The following RPS6KA2 variants were observed in gnomAD, a reference collection of about 807,000 sequenced individuals.
RPS6KA2 encodes the protein ribosomal protein S6 kinase A2.
RPS6KA2 carries 42 observed loss-of-function variants against 91.8 expected under a neutral mutation model. That is an observed-to-expected ratio of 0.46 (90% CI 0.36 to 0.59). RPS6KA2 has a LOEUF of 0.59. Among genes scored for constraint, RPS6KA2 ranks in the 20% least tolerant of loss-of-function variants. RPS6KA2 has a pLI of 0.00. For missense variants in RPS6KA2, 798 were observed against 978.5 expected, an observed-to-expected ratio of 0.82 and a Z score of 2.46; for synonymous variants, 414 against 393.6, an observed-to-expected ratio of 1.05 and a Z score of -0.61.
intron 1 of RPS6KA2, among the ~76,000 whole-genome samples, chr6:166,596,229 T>C (rs1261758424): frequency 3.3e-5 from 5 of 152,212 alleles, no homozygotes; most frequent in Non-Finnish European, 7.3e-5. Context: ...TTTGAGTTTA[T>C]GGTCAATAAT....
chr6:166,758,257 G>A (rs1380160383), intron 2 of RPS6KA2, among the ~76,000 whole-genome samples: 1 of 152,228 alleles, frequency 6.6e-6, no homozygotes, highest in African/African-American at 2.4e-5. Context: ...TCATCACCCT[G>A]TATTACCCCT....
chr6:166,770,375 T>C lies in RPS6KA2; in HGVS notation c.123+87825A>G, dbSNP rs757566026. On this transcript the variant is annotated intron_variant, in intron 2 of 21. Transcript: ENST00000503859. This position sits in a 1 kb window ranked among gnomAD's most constrained non-coding sequence, Gnocchi z 5.1. ...AAAGCTGTTGCTGAGCCACACGCACTAGAGTCTGGAGGCTGGTCGGCCACC... is the reference window on the plus strand; with the variant it reads ...AAAGCTGTTGCTGAGCCACACGCACCAGAGTCTGGAGGCTGGTCGGCCACC... Among the ~76,000 whole-genome samples, 6 of 152,228 alleles carry C rather than the reference T, an allele frequency of 3.9e-5. No homozygotes were observed. The highest frequency in any genetic ancestry group is 7.3e-5 in the Non-Finnish European group (5 of 68,040).
chr6:166,781,404 C>T (rs906832403), intron 2 of RPS6KA2, among the ~76,000 whole-genome samples: 37 of 152,188 alleles, frequency 2.4e-4, no homozygotes, highest in Non-Finnish European at 1.2e-4. Flanking sequence ...GCCAACTTGA[C>T]CCCCTGCTGA....
upstream of RPS6KA2, among the ~76,000 whole-genome samples, chr6:166,630,805 C>T (rs1178334827): frequency 3.3e-5 from 5 of 152,236 alleles, no homozygotes; most frequent in Non-Finnish European, 7.3e-5. Context: ...TGTGGATCCC[C>T]GTGTACTTGA....
At chr6:166,454,353 C>G (rs1780018038) in intron 12 of RPS6KA2, among the ~76,000 whole-genome samples, 1 of 152,068 alleles carries the variant, frequency 6.6e-6, no homozygotes, top group South Asian at 2.1e-4. Flanking sequence ...CAAAAATTAG[C>G]CAGGCGGGGT....
At chr6:166,472,011 C>T (rs530228483) in intron 10 of RPS6KA2, among the ~76,000 whole-genome samples, 28 of 152,358 alleles carry the variant, frequency 1.8e-4, no homozygotes, top group African/African-American at 6.5e-4. Flanking sequence ...CCTCCCCAAG[C>T]GCCCATCCTG....
chr6:166,744,330 T>C (rs1463473124), intron 2 of RPS6KA2, among the ~76,000 whole-genome samples: 1 of 151,358 alleles, frequency 6.6e-6, no homozygotes, highest in African/African-American at 2.4e-5. Context: ...TGTGCAGGGG[T>C]TCCCCGTGCC....
chr6:166,455,267 AC>A (rs1780062113), intron 12 of RPS6KA2, among the ~76,000 whole-genome samples: 1 of 152,166 alleles, frequency 6.6e-6, no homozygotes, highest in African/African-American at 2.4e-5. Context: ...TATTTTGGGG[AC>A]AACGGTTATG....
chr6:166,813,123 G>A (rs568639613), intron 2 of RPS6KA2, among the ~76,000 whole-genome samples: 5 of 152,132 alleles, frequency 3.3e-5, no homozygotes, highest in East Asian at 1.9e-4. Flanking sequence ...CCTGGAGAAC[G>A]GATCCAGACT....
chr6:166,827,256 C>CAAAAAAA lies in RPS6KA2; in HGVS notation c.123+30937_123+30943dup, dbSNP rs56296433. On this transcript the variant is annotated intron_variant, in intron 2 of 21. Transcript: ENST00000503859. ...GCACAAAGGCCATCACAACCTTATA[C>CAAAAAAA]AAAAAAAAAAAAAAAAAAAAAAAAA... Among the ~76,000 whole-genome samples the CAAAAAAA allele has an allele frequency of 2.6e-4, 25 of 94,472 alleles. 1 individual carries two copies. The highest frequency in any genetic ancestry group is 3.9e-4 in the South Asian group (1 of 2,560). 62.0% of individuals were successfully genotyped at this position (94,472 alleles called of 152,430 possible).
At chr6:166,462,104 C>G (rs1244373452) in intron 11 of RPS6KA2, among the ~76,000 whole-genome samples, 1 of 152,228 alleles carries the variant, frequency 6.6e-6, no homozygotes, top group East Asian at 1.9e-4. Context: ...GGTGGGAGAC[C>G]CTGGCCCTGC....
chr6:166,670,632 T>C (rs1263507309), intron 2 of RPS6KA2, among the ~76,000 whole-genome samples: 2 of 152,186 alleles, frequency 1.3e-5, no homozygotes, highest in Non-Finnish European at 2.9e-5. Flanking sequence ...ATCAAGATTA[T>C]CCAGGTAAAG....
chr6:166,790,538 A>G (rs1439180413), intron 2 of RPS6KA2, among the ~76,000 whole-genome samples: 2 of 152,122 alleles, frequency 1.3e-5, no homozygotes, highest in African/African-American at 4.8e-5. Context: ...CCTCGAGAAG[A>G]GCAACTCCAA....
chr6:166,731,071 C>T (rs1192912557), intron 2 of RPS6KA2, among the ~76,000 whole-genome samples: 1 of 152,086 alleles, frequency 6.6e-6, no homozygotes, highest in Non-Finnish European at 1.5e-5. Context: ...GGTGAAACCC[C>T]ATCTCTACTA....
At chr6:166,685,107 G>A (rs766124709) in intron 2 of RPS6KA2, among the ~76,000 whole-genome samples, 18 of 152,254 alleles carry the variant, frequency 1.2e-4, no homozygotes, top group Non-Finnish European at 1.9e-4. Flanking sequence ...TCCAGTGGGC[G>A]GAGCTCAGCA....
At chr6:166,826,509 C>T (rs1780051735) in intron 2 of RPS6KA2, among the ~76,000 whole-genome samples, 1 of 152,238 alleles carries the variant, frequency 6.6e-6, no homozygotes, top group African/African-American at 2.4e-5. Flanking sequence ...ATCTCCCACA[C>T]ACCTCCTTGC....
chr6:166,741,668 TG>T (rs1276478860), intron 2 of RPS6KA2, among the ~76,000 whole-genome samples: 6 of 152,178 alleles, frequency 3.9e-5, no homozygotes, highest in Non-Finnish European at 8.8e-5. Flanking sequence ...TCATACCCAA[TG>T]GGTGGCTCTT....
At chr6:166,818,791 T>G (rs541045700) in intron 2 of RPS6KA2, among the ~76,000 whole-genome samples, 1 of 152,248 alleles carries the variant, frequency 6.6e-6, no homozygotes, top group East Asian at 1.9e-4. Context: ...AATTTGGTCA[T>G]AGGAGCCTCT....
At chr6:166,489,344 G>C (rs192839081) in intron 9 of RPS6KA2, among the ~76,000 whole-genome samples, 1 of 152,198 alleles carries the variant, frequency 6.6e-6, no homozygotes, top group African/African-American at 2.4e-5. Flanking sequence ...ACTTGGGTGC[G>C]TCTCTTCCTG....
Sources: allele counts gnomAD v4.1 joint callset (sites outside exome capture counted in the v4.1 genomes callset), GRCh38; gene constraint gnomAD v4.1.1; non-coding constraint Gnocchi (gnomAD v3.1); transcripts MANE v1.5; gene names NCBI Gene and HGNC (gene_info 2026-07-23, HGNC 2026-07-21).